AGMO: variants seen among roughly 807,000 people sequenced by gnomAD.
AGMO encodes the protein glyceryl-ether monooxygenase.
In AGMO, 75 loss-of-function variants were observed where a neutral mutation model predicts 60.2. The observed-to-expected ratio is 1.25, with a 90% CI of 1.03 to 1.51. AGMO has a LOEUF of 1.51. Ranked by LOEUF, AGMO falls within the 40% of genes most tolerant of loss-of-function variation. The pLI, the probability that AGMO is intolerant of heterozygous loss-of-function variation, is 0.00. For synonymous variants in AGMO, 261 were observed against 177.1 expected, an observed-to-expected ratio of 1.47 and a Z score of -3.76; for missense variants, 763 against 525.5, an observed-to-expected ratio of 1.45 and a Z score of -4.42.
chr7:15,195,169 C>T, the AGMO span, among the ~76,000 whole-genome samples: 83 of 152,232 alleles, frequency 5.5e-4, no homozygotes, highest in East Asian at 0.015. Flanking sequence ...AACCTAACCC[C>T]CTGTATATTT....
At chr7:15,250,480 A>T (rs1411115229) in intron 12 of AGMO, among the ~76,000 whole-genome samples, 3 of 152,120 alleles carry the variant, frequency 2.0e-5, no homozygotes, top group Non-Finnish European at 4.4e-5. Context: ...TGATGCTTTG[A>T]TAATGTGTTA....
chr7:15,467,697 T>A (rs1241746062), intron 3 of AGMO, among the ~76,000 whole-genome samples: 4 of 152,168 alleles, frequency 2.6e-5, no homozygotes, highest in African/African-American at 7.2e-5. Context: ...ATAACATGTA[T>A]CTGTATTTTT....
chr7:15,369,301 A>C (rs780108005), intron 10 of AGMO, among the ~76,000 whole-genome samples: 1 of 152,054 alleles, frequency 6.6e-6, no homozygotes, highest in African/African-American at 2.4e-5. Flanking sequence ...TTTTAAGCTT[A>C]TGTGAGATCA....
chr7:15,268,348 C>A (rs1036713308), intron 12 of AGMO, among the ~76,000 whole-genome samples: 1 of 152,150 alleles, frequency 6.6e-6, no homozygotes, highest in South Asian at 2.1e-4. Context: ...TAATCCCTCA[C>A]TGTTACCTCT....
the AGMO span, among the ~76,000 whole-genome samples, chr7:15,154,015 G>T: frequency 3.4e-4 from 51 of 152,044 alleles, 1 homozygote; most frequent in Admixed American, 3.2e-3. Flanking sequence ...CATAGAACCA[G>T]AAGTCCTAGC....
chr7:15,220,353 G>A (rs1781882753), intron 12 of AGMO, among the ~76,000 whole-genome samples: 1 of 151,070 alleles, frequency 6.6e-6, no homozygotes, highest in African/African-American at 2.4e-5. Flanking sequence ...CCAAGTGGCT[G>A]GGATTACAGG....
At chr7:15,424,079 C>A (rs1333907790) in intron 4 of AGMO, among the ~76,000 whole-genome samples, 1 of 152,120 alleles carries the variant, frequency 6.6e-6, no homozygotes, top group African/African-American at 2.4e-5. Flanking sequence ...TCCTCCATTG[C>A]AAAATTTTAT....
At chr7:15,446,189 T>C (rs1224134772) in intron 3 of AGMO, among the ~76,000 whole-genome samples, 1 of 152,180 alleles carries the variant, frequency 6.6e-6, no homozygotes, top group Non-Finnish European at 1.5e-5. Context: ...TAGCTTGCCT[T>C]GATCTCTGAG....
chr7:15,162,342 G>C, the AGMO span, among the ~76,000 whole-genome samples: 1 of 152,138 alleles, frequency 6.6e-6, no homozygotes, highest in Non-Finnish European at 1.5e-5. Flanking sequence ...GTAGGTTTCT[G>C]TATGATCTAA....
chr7:15,285,370 G>A (rs915858813), intron 12 of AGMO, among the ~76,000 whole-genome samples: 10 of 151,970 alleles, frequency 6.6e-5, no homozygotes, highest in African/African-American at 2.4e-4. Context: ...GATAAATTCA[G>A]TAAACTCTCA....
downstream of AGMO, among the ~76,000 whole-genome samples, chr7:15,198,872 C>A (rs1179064874): frequency 6.6e-6 from 1 of 152,118 alleles, no homozygotes; most frequent in Non-Finnish European, 1.5e-5. Flanking sequence ...ATGATGTTAT[C>A]CCTAGGAGCA....
intron 12 of AGMO, among the ~76,000 whole-genome samples, chr7:15,362,235 A>G (rs1236175751): frequency 2.0e-5 from 3 of 152,214 alleles, no homozygotes; most frequent in Non-Finnish European, 2.9e-5. Context: ...CAGATTTGAA[A>G]TTCATAATTA....
At chr7:15,326,605 G>A (rs115291305) in intron 12 of AGMO, among the ~76,000 whole-genome samples, 61 of 152,112 alleles carry the variant, frequency 4.0e-4, no homozygotes, top group African/African-American at 1.4e-3. Flanking sequence ...ATTCATTCTT[G>A]GTGTTGACCA....
the AGMO span, among the ~76,000 whole-genome samples, chr7:15,155,068 A>G: frequency 6.6e-6 from 1 of 151,960 alleles, no homozygotes; most frequent in Non-Finnish European, 1.5e-5. Flanking sequence ...TCTGATGACT[A>G]TGTGTCTTGG....
rs60044874 is a variant in AGMO, at chr7:15,354,496, GTATATATATATATATATA to G, written c.1263+11000_1263+11017del. Among the ~76,000 whole-genome samples the G allele has an allele frequency of 8.2e-3, 155 of 18,796 alleles. 11 individuals are homozygous for G. Among genetic ancestry groups the G allele is most frequent in the African/African-American group, 0.024 (103 of 4,248 alleles). 12.3% of individuals were successfully genotyped at this position (18,796 alleles called of 152,430 possible). On this transcript the variant is annotated intron_variant, in intron 12 of 12. Coordinates refer to ENST00000342526, the MANE Select transcript of AGMO (RefSeq NM_001004320.2). ...TACACACGTGTGTATATACACACGTGTATATATATATATATATATATATATATATATATATATATATAT... is the reference window on the plus strand; with the variant it reads ...TACACACGTGTGTATATACACACGTGTATATATATATATATATATATATAT...
rs145915232 is a variant in AGMO, at chr7:15,203,552, T to A, written c.1264-2193A>T. On this transcript the variant is annotated intron_variant, in intron 12 of 12. Transcript: ENST00000342526. ...GCTTGTTTCAGGCTCCTATGTGTTA[T>A]CCCTTCAAAGAGATGTACAACTGGT... 3.6e-3 allele frequency among the ~76,000 whole-genome samples: 541 copies of A among 151,948 alleles called. 5 individuals are homozygous for A. Among genetic ancestry groups the A allele is most frequent in the African/African-American group, 0.012 (512 of 41,444 alleles).
intron 12 of AGMO, among the ~76,000 whole-genome samples, chr7:15,260,311 G>A (rs1783231906): frequency 1.3e-5 from 2 of 151,822 alleles, no homozygotes; most frequent in South Asian, 4.2e-4. Flanking sequence ...TAAGAGAAAG[G>A]GGTAGAAAAA....
chr7:15,428,209 C>T (rs1248809330), intron 4 of AGMO, among the ~76,000 whole-genome samples: 2 of 152,026 alleles, frequency 1.3e-5, no homozygotes, highest in Admixed American at 6.6e-5. Flanking sequence ...ATTTTGATGT[C>T]TAGGAAGTCC....
At chr7:15,348,841 T>C (rs538217032) in intron 12 of AGMO, among the ~76,000 whole-genome samples, 7 of 152,194 alleles carry the variant, frequency 4.6e-5, no homozygotes, top group Non-Finnish European at 7.4e-5. Flanking sequence ...CCTTCAGCAA[T>C]CATCTGAAGA....
Sources: allele counts gnomAD v4.1 joint callset (sites outside exome capture counted in the v4.1 genomes callset), GRCh38; gene constraint gnomAD v4.1.1; transcripts MANE v1.5; gene names NCBI Gene and HGNC (gene_info 2026-07-23, HGNC 2026-07-21).